The following PCDHA11 variants were observed in gnomAD, a reference collection of about 807,000 sequenced individuals.
PCDHA11 encodes the protein protocadherin alpha 11.
PCDHA11 carries 61 observed loss-of-function variants against 70.3 expected under a neutral mutation model. That is an observed-to-expected ratio of 0.87 (90% CI 0.71 to 1.07). The LOEUF (loss-of-function observed/expected upper bound fraction) is 1.07. Among genes scored for constraint, PCDHA11 ranks in the 50% least tolerant of loss-of-function variants. The pLI, the probability that PCDHA11 is intolerant of heterozygous loss-of-function variation, is 0.00. For missense variants in PCDHA11, 1,324 were observed against 1,237.5 expected (o/e 1.07, Z -1.05); for synonymous variants, 633 against 555.1 (o/e 1.14, Z -1.97).
chr5:140,889,441 C>G (rs2062226063), intron 1 of PCDHA11, among the ~76,000 whole-genome samples: 2 of 151,842 alleles, frequency 1.3e-5, no homozygotes, highest in African/African-American at 2.4e-5. Flanking sequence ...CAGGTATTTT[C>G]CTGTTTAATC....
chr5:140,905,334 C>A (rs2071752505), intron 1 of PCDHA11, among the ~76,000 whole-genome samples: 1 of 152,144 alleles, frequency 6.6e-6, no homozygotes, highest in East Asian at 1.9e-4. Context: ...TGTTGAAGAT[C>A]AGTTGGCTGT....
chr5:140,921,925 G>A (rs895157006), intron 1 of PCDHA11, among the ~76,000 whole-genome samples: 2 of 151,816 alleles, frequency 1.3e-5, no homozygotes, highest in African/African-American at 4.8e-5. Flanking sequence ...AAAACTTATA[G>A]TCAATATAAT....
At chr5:140,889,263 GTA>G (rs1262739748) in intron 1 of PCDHA11, among the ~76,000 whole-genome samples, 1 of 151,748 alleles carries the variant, frequency 6.6e-6, no homozygotes, top group Admixed American at 6.6e-5. Flanking sequence ...GTAAAAGTTT[GTA>G]TAATCTTTGA....
chr5:140,927,068 C>T, intron 1 of PCDHA11: 1 of 1,611,218 alleles, frequency 6.2e-7, no homozygotes, highest in Non-Finnish European at 8.5e-7. Context: ...CGCTTCCTTT[C>T]CAGCCACCGC....
intron 1 of PCDHA11, among the ~76,000 whole-genome samples, chr5:140,923,645 C>T (rs939799750): frequency 1.1e-4 from 17 of 152,126 alleles, no homozygotes; most frequent in African/African-American, 4.1e-4. Context: ...AATCTTTAGC[C>T]TCCCTTATCT....
chr5:140,988,381 T>C (rs1554250091), intron 3 of PCDHA11, among the ~76,000 whole-genome samples: 3 of 152,158 alleles, frequency 2.0e-5, no homozygotes, highest in Admixed American at 6.5e-5. Flanking sequence ...GTGAAACTCA[T>C]TGTGTTTGCC....
At position 141,010,458 on chromosome 5, in the gene PCDHA11, T is replaced by C. The variant is rs2098417373; in HGVS notation, c.*521T>C. The C allele has an allele frequency of 1.1e-6, 1 of 871,194 alleles. No individual in the cohort carries two copies. The highest frequency in any genetic ancestry group is 1.7e-6 in the Non-Finnish European group (1 of 592,130). 54.0% of individuals were successfully genotyped at this position (871,194 alleles called of 1,614,324 possible). On this transcript the variant is annotated 3_prime_UTR_variant, in exon 4 of 4. Coordinates refer to ENST00000398640, the MANE Select transcript of PCDHA11 (RefSeq NM_018902.5). ...AAAGACAAATAAACAGCGGAAGTTA[T>C]CAGTATGGAGGGGAAGTGTAAACTT...
rs183812467 is a variant in PCDHA11, at chr5:140,921,187, A to G, written c.2391+49693A>G. Among the ~76,000 whole-genome samples the G allele has an allele frequency of 1.1e-3, 174 of 152,102 alleles. 2 individuals carry two copies. Among genetic ancestry groups the G allele is most frequent in the Non-Finnish European group, 2.1e-4 (14 of 68,012 alleles). ...AACACACATAAAGCACAGTTTTTTC[A>G]CAATAGATTGACAACGATAATTCAC... On this transcript the variant is annotated intron_variant, in intron 1 of 3. Transcript: ENST00000398640.
intron 1 of PCDHA11, among the ~76,000 whole-genome samples, chr5:140,899,649 G>T (rs1405894081): frequency 6.6e-6 from 1 of 152,130 alleles, no homozygotes; most frequent in Non-Finnish European, 1.5e-5. Flanking sequence ...CTCTTATTTG[G>T]TTGTGTCTCT....
intron 3 of PCDHA11, among the ~76,000 whole-genome samples, chr5:141,007,475 C>G (rs575810038): frequency 1.3e-5 from 2 of 151,322 alleles, no homozygotes; most frequent in Non-Finnish European, 2.9e-5. Context: ...GGCTGAGGCA[C>G]GAGAATTACT....
At position 140,892,846 on chromosome 5, in the gene PCDHA11, A is replaced by G. The variant is rs1301960107; in HGVS notation, c.2391+21352A>G. Among the ~76,000 whole-genome samples, 3 of 152,112 alleles carry G rather than the reference A, an allele frequency of 2.0e-5. No homozygotes were observed. In the East Asian group the frequency reaches 5.8e-4, roughly 29 times the overall value. On this transcript the variant is annotated intron_variant, in intron 1 of 3. Transcript: ENST00000398640. ...TGCTACAGTGCTGCAAAACACCACA[A>G]CCCATTCCTCCTGTGTAGCTATAAT...
intron 1 of PCDHA11, among the ~76,000 whole-genome samples, chr5:140,925,953 C>T (rs1438087673): frequency 1.3e-5 from 2 of 152,090 alleles, no homozygotes; most frequent in Non-Finnish European, 2.9e-5. Context: ...GAAGGAGAAA[C>T]TGCTATCACG....
intron 1 of PCDHA11, chr5:140,877,310 C>G (rs371801888): frequency 6.2e-7 from 1 of 1,613,938 alleles, no homozygotes; most frequent in Non-Finnish European, 8.5e-7. Flanking sequence ...GAGTTGCAAC[C>G]GGCGGCGGTC....
intron 3 of PCDHA11, among the ~76,000 whole-genome samples, chr5:140,983,126 G>A (rs1466016868): frequency 6.6e-6 from 1 of 152,206 alleles, no homozygotes; most frequent in African/African-American, 2.4e-5. Context: ...ACATTCTGCA[G>A]ACTGACTTTT....
intron 1 of PCDHA11, among the ~76,000 whole-genome samples, chr5:140,912,343 ATTT>A (rs35252606): frequency 2.8e-5 from 4 of 143,838 alleles, no homozygotes; most frequent in African/African-American, 5.1e-5. Context: ...TACACTAAGT[ATTT>A]TTTTTTTTTT....
In PCDHA11 at chr5:140,990,740, G is replaced by C. The variant is rs76434886; in HGVS notation, c.2539+8177G>C. Among the ~76,000 whole-genome samples the C allele has an allele frequency of 8.5e-3, 1,294 of 152,288 alleles. 21 individuals carry two copies. Among genetic ancestry groups the C allele is most frequent in the African/African-American group, 0.029 (1,222 of 41,552 alleles). ...ATCACTAGGTATATCAACAGCCCTA[G>C]GGTGGATACCTTTGAGCCTGTAAAT... On this transcript the variant is annotated intron_variant, in intron 3 of 3. Coordinates refer to ENST00000398640, the MANE Select transcript of PCDHA11 (RefSeq NM_018902.5).
intron 1 of PCDHA11, among the ~76,000 whole-genome samples, chr5:140,891,611 T>G (rs1457156522): frequency 6.6e-6 from 1 of 152,226 alleles, no homozygotes; most frequent in East Asian, 1.9e-4. Context: ...TTTCTACCTT[T>G]TATTTTAACA....
intron 1 of PCDHA11, chr5:140,877,311 G>C (rs200978234): frequency 6.3e-5 from 101 of 1,613,852 alleles, no homozygotes; most frequent in Non-Finnish European, 7.9e-5. Context: ...AGTTGCAACC[G>C]GCGGCGGTCG....
intron 3 of PCDHA11, among the ~76,000 whole-genome samples, chr5:140,992,954 C>G (rs1174073844): frequency 6.6e-6 from 1 of 152,190 alleles, no homozygotes; most frequent in Non-Finnish European, 1.5e-5. Context: ...TTAAATCACC[C>G]CTTATACTGC....
Sources: allele counts gnomAD v4.1 joint callset (sites outside exome capture counted in the v4.1 genomes callset), GRCh38; gene constraint gnomAD v4.1.1; transcripts MANE v1.5; gene names NCBI Gene and HGNC (gene_info 2026-07-23, HGNC 2026-07-21).